Variants in TSNAXIP1 observed in about 807,000 individuals in gnomAD.
The protein encoded by TSNAXIP1 is translin associated factor X interacting protein 1, also known as translin-associated factor X-interacting protein 1.
Under a neutral mutation model 84.8 loss-of-function variants are expected in TSNAXIP1, and 89 were observed. The ratio of observed to expected loss-of-function variants is 1.05; its 90% confidence interval spans 0.88 to 1.25. TSNAXIP1 has a LOEUF of 1.25. TSNAXIP1 is among the 50% of genes most tolerant of loss of function. The probability of loss-of-function intolerance (pLI) is 0.00; values close to 1 mark genes in which losing one functional copy is unlikely to be tolerated. For synonymous variants in TSNAXIP1, 347 were observed against 335.2 expected, an observed-to-expected ratio of 1.04 and a Z score of -0.39; for missense variants, 874 against 887.6, an observed-to-expected ratio of 0.98 and a Z score of 0.20.
chr16:67,809,683 C>T (rs1299900441), intron 1 of TSNAXIP1, among the ~76,000 whole-genome samples: 13 of 151,946 alleles, frequency 8.6e-5, no homozygotes, highest in Admixed American at 8.5e-4. Flanking sequence ...GTGAGTGGCT[C>T]ATGCTTGTAA....
chr16:67,813,548 C>G (rs747390429), intron 1 of TSNAXIP1, among the ~76,000 whole-genome samples: 1 of 151,840 alleles, frequency 6.6e-6, no homozygotes, highest in African/African-American at 2.4e-5. Flanking sequence ...GCCTGGCCAA[C>G]ATGGTGAAAC....
chr16:67,807,153 G>A lies in TSNAXIP1; in HGVS notation c.4G>A (p.Ala2Thr). 20 of 1,535,586 alleles carry A rather than the reference G, an allele frequency of 1.3e-5. No homozygotes were observed. The highest frequency in any genetic ancestry group is 1.7e-5 in the Non-Finnish European group (20 of 1,146,860). The change falls in exon 1 of 16, where the codon GCC (alanine) becomes ACC (threonine). Residue 2 changes from alanine to threonine, a missense_variant. By Grantham distance (58) the Ala-to-Thr change is moderately conservative. Coordinates refer to ENST00000561639, the MANE Select transcript of TSNAXIP1 (RefSeq NM_001288990.3). ...ATTGCCCGCCTGCCCGTGGGTCATG[G>A]CCTGCCAGCAGTCGCGGTACCACAG... M[A>T]CQQSRYHSFS... is the part of the protein sequence containing the mutation.
chr16:67,810,663 G>A (rs541932233), intron 1 of TSNAXIP1, among the ~76,000 whole-genome samples: 1 of 152,034 alleles, frequency 6.6e-6, no homozygotes, highest in African/African-American at 2.4e-5. Flanking sequence ...GTTTGGTCCA[G>A]CTTTGAGGTA....
At chr16:67,811,436 CT>C (rs1190285857) in intron 1 of TSNAXIP1, among the ~76,000 whole-genome samples, 130 of 101,974 alleles carry the variant, frequency 1.3e-3, no homozygotes, top group East Asian at 1.3e-3. Flanking sequence ...ATTGATTAGT[CT>C]TTTTTTTTTT....
chr16:67,826,267 C>T lies in TSNAXIP1; in HGVS notation c.1260C>T (p.Asp420=), dbSNP rs1598109005. The T allele has an allele frequency of 6.3e-7, 1 of 1,579,804 alleles. No individual in the cohort carries two copies. Among genetic ancestry groups the T allele is most frequent in the Middle Eastern group, 1.7e-4 (1 of 5,802 alleles). Residue 420 remains aspartate, a synonymous_variant, in exon 10 of 16, where the codon GAC becomes GAT. Transcript: ENST00000561639. ...EIGSGLLREK[D]FFPGLGYGEA... The stretch of plus-strand genomic sequence containing the variant: ...GTTCGGGGCTGCTGCGGGAGAAAGA[C>T]TTCTTCCCTGGTCTGGTAGGGGAGG...
At chr16:67,822,334 T>C (rs896325978) in intron 4 of TSNAXIP1, among the ~76,000 whole-genome samples, 2 of 149,196 alleles carry the variant, frequency 1.3e-5, no homozygotes, top group Non-Finnish European at 3.0e-5. Context: ...GCAATGTGGA[T>C]CCAAAAGTCT....
In TSNAXIP1 at chr16:67,825,263, C is replaced by T; in HGVS notation, c.805C>T (p.Gln269Ter). The T allele has an allele frequency of 3.1e-6, 5 of 1,614,096 alleles. No individual in the cohort carries two copies. Among genetic ancestry groups the T allele is most frequent in the Non-Finnish European group, 3.4e-6 (4 of 1,179,992 alleles). The change falls in exon 7 of 16, where the codon CAG becomes TAG. Residue 269 changes from glutamine (Q) to a stop codon, truncating the protein, a stop_gained. Coordinates refer to ENST00000561639, the MANE Select transcript of TSNAXIP1 (RefSeq NM_001288990.3). LOFTEE classifies it high-confidence loss of function. ...CCAGCGGGAGGACATGTCATTAGCC[C>T]AGTCGCCAGGTAAGCCTGAATTGGG... is the stretch of plus-strand genomic sequence containing the variant. ...RYQREDMSLA[Q>*]SPGIWGEDPV...
rs1015984307 is a variant in TSNAXIP1 at position 67,814,446 on chromosome 16, A to G, written c.147+45A>G. ...TGGAACCCCAAATGTCAGCCCCCAG[A>G]CCCTATCCGTCTCCCTTCCTGCAAC... On this transcript the variant is annotated intron_variant, in intron 2 of 15. Coordinates refer to ENST00000561639, the MANE Select transcript of TSNAXIP1 (RefSeq NM_001288990.3). 12 of 1,467,524 alleles carry G rather than the reference A, an allele frequency of 8.2e-6. No homozygotes were observed. The Middle Eastern group carries it at 6.9e-4, about 85-fold the overall frequency. 90.9% of individuals were successfully genotyped at this position (1,467,524 alleles called of 1,614,324 possible). A position where few individuals can be genotyped will look rare whatever the true frequency, so the allele number is the denominator to read the frequency against.
At chr16:67,814,649 G>A (rs936726161) in intron 2 of TSNAXIP1, among the ~76,000 whole-genome samples, 7 of 152,146 alleles carry the variant, frequency 4.6e-5, no homozygotes, top group African/African-American at 9.7e-5. Flanking sequence ...TAGGCAGAGA[G>A]AGAACTCGCC....
intron 2 of TSNAXIP1, among the ~76,000 whole-genome samples, chr16:67,819,104 G>A (rs1031676869): frequency 1.6e-4 from 24 of 152,012 alleles, no homozygotes; most frequent in African/African-American, 5.8e-4. Flanking sequence ...TCAAGAGGCA[G>A]AGCTGCAGTG....
At chr16:67,814,178 C>A (rs1188974038) in intron 1 of TSNAXIP1, 124 bp from the exon 2 acceptor site, 1 of 712,414 alleles carries the variant, frequency 1.4e-6, no homozygotes, top group Non-Finnish European at 2.4e-6. Flanking sequence ...CTCTGGGAAT[C>A]CGGAGGCAGC....
Position 67,827,554 on chromosome 16 carries a change from C to G in TSNAXIP1, c.1873C>G (p.Leu625Val), listed in dbSNP as rs370369980. Reference sequence around the variant, plus strand: ...TGAGAAGGACGAGTACTTACAGCAGCTAAAGCAGGAGCTTGGCATAGAACT... The same window carrying G: ...TGAGAAGGACGAGTACTTACAGCAGGTAAAGCAGGAGCTTGGCATAGAACT... ...MDEKDEYLQQ[L>V]KQELGIELHE... Residue 625 changes from leucine to valine, a missense_variant, in exon 15 of 16, where the codon CTA (leucine) becomes GTA (valine). Physicochemically the swap from Leu to Val is conservative, Grantham distance 32 (BLOSUM62 1). Transcript: ENST00000561639. 39 of 1,613,718 alleles carry G rather than the reference C, an allele frequency of 2.4e-5. No individual in the cohort carries two copies. Among genetic ancestry groups the G allele is most frequent in the Non-Finnish European group, 3.2e-5 (38 of 1,179,696 alleles).
At chr16:67,809,322 G>A (rs570923393) in intron 1 of TSNAXIP1, among the ~76,000 whole-genome samples, 224 of 149,030 alleles carry the variant, frequency 1.5e-3, no homozygotes, top group South Asian at 0.011. Context: ...ACAAAAATTA[G>A]CCAGGTGTGG....
chr16:67,814,185 C>G, intron 1 of TSNAXIP1, 117 bp from the exon 2 acceptor site: 1 of 766,236 alleles, frequency 1.3e-6, no homozygotes, highest in Non-Finnish European at 2.1e-6. Context: ...AATCCGGAGG[C>G]AGCACCCAGA....
intron 15 of TSNAXIP1, 53 bp downstream of exon 15, chr16:67,827,632 C>T (rs770109346): frequency 3.7e-6 from 6 of 1,611,836 alleles, no homozygotes; most frequent in Non-Finnish European, 4.2e-6. Context: ...CCTGAAGCCC[C>T]TGGGTCTCCC....
At chr16:67,822,437 A>G (rs1377857644) in intron 4 of TSNAXIP1, among the ~76,000 whole-genome samples, 1 of 152,116 alleles carries the variant, frequency 6.6e-6, no homozygotes, top group Admixed American at 6.6e-5. Flanking sequence ...AGGTTGGGCC[A>G]CTGGACATCA....
rs3833058 is a variant in TSNAXIP1, at chr16:67,807,053, C to CGGGG, written c.-93_-90dup. 2.0e-5 allele frequency: 30 copies of CGGGG among 1,486,986 alleles called. No homozygotes were observed. The African/African-American group carries it at 4.0e-4, about 20-fold the overall frequency. 92.1% of individuals were successfully genotyped at this position (1,486,986 alleles called of 1,614,324 possible). A position where few individuals can be genotyped will look rare whatever the true frequency, so the allele number is the denominator to read the frequency against. ...CGCATCCCTGACTCCGCCCCCGCCG[C>CGGGG]GGGGGGGCCTCTGGGGCCTGGTCGC... is the stretch of plus-strand genomic sequence containing the variant. On this transcript the variant is annotated 5_prime_UTR_variant, in exon 1 of 16. Coordinates refer to ENST00000561639, the MANE Select transcript of TSNAXIP1 (RefSeq NM_001288990.3).
Position 67,825,650 on chromosome 16 carries a change from G to T in TSNAXIP1, c.815-17G>T. ...AAGCCACGGTGACACGGGCTGGTGGGCCCCTTCCCCTGGCAGGCATCTGGG... is the reference window on the plus strand; with the variant it reads ...AAGCCACGGTGACACGGGCTGGTGGTCCCCTTCCCCTGGCAGGCATCTGGG... On this transcript the variant is annotated splice_polypyrimidine_tract_variant and intron_variant, in intron 7 of 15. Coordinates refer to ENST00000561639, the MANE Select transcript of TSNAXIP1 (RefSeq NM_001288990.3). The T allele has an allele frequency of 6.2e-7, 1 of 1,601,242 alleles. No homozygotes were observed. The highest frequency in any genetic ancestry group is 8.5e-7 in the Non-Finnish European group (1 of 1,171,910).
chr16:67,809,639 T>A (rs56291460), intron 1 of TSNAXIP1, among the ~76,000 whole-genome samples: 5,035 of 143,838 alleles, frequency 0.035, 235 homozygotes, highest in African/African-American at 0.11. Context: ...AAAAAATAAA[T>A]AAATAAATAA....
Sources: gnomAD v4.1 joint callset for allele counts (sites outside exome capture counted in the v4.1 genomes callset) on GRCh38, gnomAD v4.1.1 for gene constraint, MANE v1.5 for transcripts, NCBI Gene and HGNC (gene_info 2026-07-23, HGNC 2026-07-21) for gene names.